The following DOK4 variants were observed in gnomAD, a reference collection of about 807,000 sequenced individuals.
DOK4 encodes downstream of tyrosine kinase 4.
In DOK4, 26 loss-of-function variants were observed where a neutral mutation model predicts 40.1. The observed-to-expected ratio is 0.65, with a 90% CI of 0.48 to 0.90. The LOEUF (loss-of-function observed/expected upper bound fraction) is 0.90, where lower values mean the gene tolerates loss of function less well. DOK4 is among the 40% of genes least tolerant of loss of function. The pLI is 0.00. For missense variants in DOK4, 392 were observed against 437.2 expected, an observed-to-expected ratio of 0.90 and a Z score of 0.92; for synonymous variants, 179 against 177.0, an observed-to-expected ratio of 1.01 and a Z score of -0.09.
chr16:57,479,403 T>C lies in DOK4; in HGVS notation c.66+39A>G, dbSNP rs756826637. 19 of 1,609,154 alleles carry C rather than the reference T, an allele frequency of 1.2e-5. No homozygotes were observed. The Admixed American group carries it at 3.0e-4, about 25-fold the overall frequency. ...CTGGGACCGAGTCCTCGGGCCCCCA[T>C]CCCTTGGCAGGGCCCCTCCGCAGCT... On this transcript the variant is annotated intron_variant, in intron 2 of 8. Transcript: ENST00000340099. The surrounding 1 kb of genome is among the most constrained non-coding windows in gnomAD (Gnocchi z 5.8).
At position 57,475,963 on chromosome 16, in the gene DOK4, G is replaced by C; in HGVS notation, c.67-6C>G. ...AGCCAGCACCTCCGGTAGATCTGTG[G>C]AGCGAGATGACAGGGCTCAGGCCTC... On this transcript the variant is annotated splice_region_variant and splice_polypyrimidine_tract_variant and intron_variant, in intron 2 of 8. Coordinates refer to ENST00000340099, the Ensembl canonical transcript of DOK4. 1 of 1,610,848 alleles carries C rather than the reference G, an allele frequency of 6.2e-7. No individual in the cohort carries two copies. Among genetic ancestry groups the C allele is most frequent in the Non-Finnish European group, 8.5e-7 (1 of 1,178,700 alleles).
chr16:57,473,606 G>A lies in DOK4; in HGVS notation c.862+7C>T, dbSNP rs764743111. On this transcript the variant is annotated splice_region_variant and intron_variant, in intron 8 of 8. Coordinates refer to ENST00000340099, the Ensembl canonical transcript of DOK4. ...GCAGGTGGGTGTGGGGCATGGAAGC[G>A]ACTCACCAGCATAGCTGGAGGCTTC... 16 of 1,614,126 alleles carry A rather than the reference G, an allele frequency of 9.9e-6. No individual in the cohort carries two copies. Among genetic ancestry groups the A allele is most frequent in the South Asian group, 2.2e-5 (2 of 91,086 alleles).
chr16:57,474,113 G>A, intron 6 of DOK4, 74 bp from the exon 7 acceptor site: 1 of 1,588,750 alleles, frequency 6.3e-7, no homozygotes, highest in Non-Finnish European at 8.6e-7. Context: ...AGGCTCTCTT[G>A]CAACTGCAAG....
intron 6 of DOK4, 196 bp downstream of exon 6, chr16:57,474,597 C>A: frequency 1.4e-6 from 1 of 704,482 alleles, no homozygotes; most frequent in South Asian, 1.9e-5. Flanking sequence ...CTTCACTTGA[C>A]CTGCATGCTG....
rs796909256 is a variant in DOK4 at position 57,479,683 on chromosome 16, C to A, written c.-176G>T. The A allele has an allele frequency of 3.6e-6, 2 of 560,852 alleles. No individual in the cohort carries two copies. Among genetic ancestry groups the A allele is most frequent in the African/African-American group, 1.9e-5 (1 of 52,424 alleles). The allele number at this position is 560,852 out of a possible 1,614,324, so 34.7% of individuals were successfully genotyped here. ...TTGTTCTAGCAGCTCCTTCGCCCCG[C>A]GCCTGCTGGAAATAAAAATGACAGG... is the stretch of plus-strand genomic sequence containing the variant. On this transcript the variant is annotated 5_prime_UTR_variant, in exon 2 of 9. Transcript: ENST00000340099. This position sits in a 1 kb window ranked among gnomAD's most constrained non-coding sequence, Gnocchi z 5.8.
intron 2 of DOK4, among the ~76,000 whole-genome samples, chr16:57,477,118 A>C (rs755155671): frequency 1.3e-5 from 2 of 152,192 alleles, no homozygotes; most frequent in African/African-American, 4.8e-5. Context: ...ACAGCAGAGG[A>C]GGCCAGGGGG....
exon 9 of DOK4, chr16:57,473,149 C>A (rs2030944189): frequency 5.1e-6 from 3 of 584,522 alleles, no homozygotes; most frequent in Non-Finnish European, 9.0e-6. Context: ...ATATTAAAAT[C>A]ATTAACAGTA....
chr16:57,474,990 G>A lies in DOK4; in HGVS notation c.410-8C>T. On this transcript the variant is annotated splice_polypyrimidine_tract_variant and splice_region_variant and intron_variant, in intron 5 of 8. Coordinates refer to ENST00000340099, the Ensembl canonical transcript of DOK4. ...GGAAGACATTGAAGCGATCTGGAGT[G>A]GGGGAGGGTGGACAAGTGGGACCAG... 2 of 1,603,604 alleles carry A rather than the reference G, an allele frequency of 1.2e-6. No homozygotes were observed. The highest frequency in any genetic ancestry group is 1.1e-5 in the South Asian group (1 of 89,810).
At chr16:57,474,013 T>C (rs1490154436) in exon 7 of DOK4, 1 of 1,614,102 alleles carries the variant, frequency 6.2e-7, no homozygotes, top group South Asian at 1.1e-5. Flanking sequence ...CTGGAAGGTA[T>C]AGAGTCCTTC....
intron 1 of DOK4, among the ~76,000 whole-genome samples, chr16:57,482,741 C>A (rs941669026): frequency 6.6e-6 from 1 of 152,186 alleles, no homozygotes; most frequent in South Asian, 2.1e-4. Context: ...CAAGGCTCGG[C>A]CTCCCTGAGT....
At chr16:57,473,435 A>G in exon 9 of DOK4, 1 of 1,614,216 alleles carries the variant, frequency 6.2e-7, no homozygotes, top group South Asian at 1.1e-5. Context: ...TGGCTTTAGC[A>G]GGATGAATCT....
At chr16:57,473,052 G>T in exon 9 of DOK4, 1 of 301,184 alleles carries the variant, frequency 3.3e-6, no homozygotes, top group South Asian at 6.3e-5. Context: ...CCTGGTCATG[G>T]GATTAAAAAA....
exon 3 of DOK4, chr16:57,475,874 C>T (rs375934964): frequency 9.3e-6 from 15 of 1,613,426 alleles, no homozygotes; most frequent in East Asian, 2.2e-5. Flanking sequence ...GGAGGCACAC[C>T]GACTTCTCAT....
In DOK4 at chr16:57,475,291, T is replaced by C. The variant is rs538275502; in HGVS notation, c.290-72A>G. The C allele has an allele frequency of 2.1e-3, 3,256 of 1,572,118 alleles. 4 individuals carry two copies. Among genetic ancestry groups the C allele is most frequent in the Non-Finnish European group, 2.6e-3 (2,967 of 1,161,470 alleles). On this transcript the variant is annotated intron_variant, in intron 4 of 8. Coordinates refer to ENST00000340099, the Ensembl canonical transcript of DOK4. ...CACCCCGTCTGCCCAGCCTGACTTA[T>C]GCCACCATGCACAGCAGGGAGGGTA...
exon 7 of DOK4, chr16:57,473,961 G>A (rs377045645): frequency 6.2e-6 from 10 of 1,613,910 alleles, no homozygotes; most frequent in Non-Finnish European, 8.5e-6. Flanking sequence ...TGGCCAGGGT[G>A]GCACTGTGGA....
At chr16:57,473,137 A>G (rs984064782) in exon 9 of DOK4, 1 of 560,392 alleles carries the variant, frequency 1.8e-6, no homozygotes, top group Non-Finnish European at 3.2e-6. Context: ...CATAAGCCAT[A>G]TATATTAAAA....
exon 9 of DOK4, chr16:57,472,682 T>G (rs1321366219): frequency 6.6e-6 from 1 of 152,416 alleles, no homozygotes; most frequent in African/African-American, 2.4e-5. Flanking sequence ...CAGGGGCATC[T>G]TCCCAGCCTA....
At chr16:57,475,693 T>TCTCCCTCTCTCC (rs2031135835) in intron 3 of DOK4, 73 bp from the exon 4 acceptor site, 5 of 483,730 alleles carry the variant, frequency 1.0e-5, no homozygotes, top group Non-Finnish European at 1.7e-5. Context: ...TCTCTCTCTC[T>TCTCCCTCTCTCC]CTCCCTCCCT....
chr16:57,478,979 G>A (rs2031303880), intron 2 of DOK4, among the ~76,000 whole-genome samples: 2 of 152,208 alleles, frequency 1.3e-5, no homozygotes, highest in Admixed American at 1.3e-4. Flanking sequence ...CAGAAGCAAG[G>A]GGAGAGGATG....
Sources: allele counts gnomAD v4.1 joint callset (sites outside exome capture counted in the v4.1 genomes callset), GRCh38; gene constraint gnomAD v4.1.1; non-coding constraint Gnocchi (gnomAD v3.1); transcripts MANE v1.5; gene names NCBI Gene and HGNC (gene_info 2026-07-23, HGNC 2026-07-21).